Variants in RIN3 observed in about 807,000 individuals in gnomAD.
RIN3 encodes RAB5 interacting protein 3.
A neutral mutation model predicts 76.3 loss-of-function variants in RIN3; 54 were observed. That is an observed-to-expected ratio of 0.71 (90% CI 0.57 to 0.89). The LOEUF (loss-of-function observed/expected upper bound fraction) is 0.89. RIN3 is among the 40% of genes least tolerant of loss of function. The pLI is 0.00. For missense variants in RIN3, 1,256 were observed against 1,322.1 expected, an observed-to-expected ratio of 0.95 and a Z score of 0.78; for synonymous variants, 576 against 564.0, an observed-to-expected ratio of 1.02 and a Z score of -0.30.
intron 4 of RIN3, among the ~76,000 whole-genome samples, chr14:92,626,046 C>A (rs954190972): frequency 1.3e-5 from 2 of 152,178 alleles, no homozygotes; most frequent in Admixed American, 1.3e-4. Context: ...TTCCCTTAGT[C>A]TTTCTAGAAA....
chr14:92,533,597 C>T (rs1243647442), intron 1 of RIN3, among the ~76,000 whole-genome samples: 2 of 152,214 alleles, frequency 1.3e-5, no homozygotes, highest in Admixed American at 1.3e-4. Context: ...GACCATTATT[C>T]TAAGTGAAGT....
At chr14:92,615,611 C>T in intron 4 of RIN3, 132 bp downstream of exon 4, 2 of 757,296 alleles carry the variant, frequency 2.6e-6, no homozygotes, top group Non-Finnish European at 4.6e-6. Flanking sequence ...AGAGAGAGGG[C>T]ACAGGCCCCT....
At chr14:92,557,781 G>A (rs2140037298) in intron 2 of RIN3, among the ~76,000 whole-genome samples, 1 of 152,312 alleles carries the variant, frequency 6.6e-6, no homozygotes, top group African/African-American at 2.4e-5. Context: ...CACCCTCTGT[G>A]GTCCCCAGTT....
At chr14:92,571,892 C>T (rs961574444) in intron 2 of RIN3, among the ~76,000 whole-genome samples, 3 of 152,170 alleles carry the variant, frequency 2.0e-5, no homozygotes, top group Non-Finnish European at 2.9e-5. Flanking sequence ...TCCTCCTATT[C>T]GCAGGGGGAG....
chr14:92,658,803 C>T (rs1035816837), intron 6 of RIN3, among the ~76,000 whole-genome samples: 5 of 152,210 alleles, frequency 3.3e-5, no homozygotes, highest in Non-Finnish European at 2.9e-5. Flanking sequence ...CATCAGCATA[C>T]AGCTGCCCAG....
rs534165246 is a variant in RIN3, at chr14:92,652,057, G to A, written c.1008G>A (p.Pro336=). ...APGPPDHPNQ[P]PMMTCERLPC... ...GTCCCCCAGACCATCCGAACCAGCC[G>A]CCCATGATGACCTGCGAGAGACTCC... Residue 336 remains proline, a synonymous_variant, in exon 6 of 10, where the codon CCG becomes CCA. Transcript: ENST00000216487. This position sits in a 1 kb window ranked among gnomAD's most constrained non-coding sequence, Gnocchi z 6.4. 7.9e-6 allele frequency: 12 copies of A among 1,512,930 alleles called. No homozygotes were observed. Among genetic ancestry groups the A allele is most frequent in the South Asian group, 3.4e-5 (3 of 88,826 alleles). 93.7% of individuals were successfully genotyped at this position (1,512,930 alleles called of 1,614,324 possible).
intron 5 of RIN3, among the ~76,000 whole-genome samples, chr14:92,644,263 C>T (rs1038748995): frequency 7.2e-5 from 11 of 152,170 alleles, no homozygotes. Context: ...AAGTGAGATG[C>T]ATGGCCTCAG....
intron 3 of RIN3, among the ~76,000 whole-genome samples, chr14:92,609,378 G>A (rs1417462025): frequency 6.6e-6 from 1 of 152,168 alleles, no homozygotes; most frequent in Non-Finnish European, 1.5e-5. Flanking sequence ...TGTCACCTTG[G>A]AGTGCATTGG....
At position 92,651,934 on chromosome 14, in the gene RIN3, C is replaced by T; in HGVS notation, c.885C>T (p.Ala295=). The T allele has an allele frequency of 6.4e-7, 1 of 1,556,624 alleles. No homozygotes were observed. Among genetic ancestry groups the T allele is most frequent in the Non-Finnish European group, 8.7e-7 (1 of 1,149,244 alleles). The change falls in exon 6 of 10, where the codon GCC becomes GCT. Residue 295 remains alanine (A), a synonymous_variant. Transcript: ENST00000216487. ...PVLPLQPCSP[A]QPPVLPALAP... Reference sequence around the variant, plus strand: ...TGCCCCTGCAGCCCTGCAGCCCAGCCCAGCCCCCTGTGCTCCCTGCTCTTG... The same window carrying T: ...TGCCCCTGCAGCCCTGCAGCCCAGCTCAGCCCCCTGTGCTCCCTGCTCTTG...
chr14:92,532,979 G>A (rs1896919147), intron 1 of RIN3, among the ~76,000 whole-genome samples: 1 of 152,218 alleles, frequency 6.6e-6, no homozygotes, highest in Admixed American at 6.5e-5. Context: ...GAAGCTCCCA[G>A]GAGGAGGGGC....
rs546521716 is a variant in RIN3 at position 92,540,293 on chromosome 14, T to TG, written c.45-15455dup. 3.5e-4 allele frequency among the ~76,000 whole-genome samples: 53 copies of TG among 152,278 alleles called. No individual in the cohort carries two copies. The South Asian group carries it at 0.011, about 31-fold the overall frequency. Reference sequence around the variant, plus strand: ...GCCCATAGAGCCTGTCCCCTGTTCCTGGGACTGACCCACCGAGGGTCGGGG... The same window carrying TG: ...GCCCATAGAGCCTGTCCCCTGTTCCTGGGGACTGACCCACCGAGGGTCGGGG... On this transcript the variant is annotated intron_variant, in intron 1 of 9. Coordinates refer to ENST00000216487, the MANE Select transcript of RIN3 (RefSeq NM_024832.5).
intron 4 of RIN3, among the ~76,000 whole-genome samples, chr14:92,630,985 C>T (rs756643146): frequency 3.1e-4 from 47 of 152,214 alleles, no homozygotes; most frequent in Non-Finnish European, 6.0e-4. Flanking sequence ...TCCTGCCCTA[C>T]AGACTCCTCC....
At chr14:92,523,109 GTTTTA>G (rs1465853909) in intron 1 of RIN3, among the ~76,000 whole-genome samples, 3 of 152,102 alleles carry the variant, frequency 2.0e-5, no homozygotes, top group Non-Finnish European at 2.9e-5. Flanking sequence ...TTGTTTGTTT[GTTTTA>G]TTTTATTTTA....
intron 3 of RIN3, among the ~76,000 whole-genome samples, chr14:92,614,052 G>A (rs563321243): frequency 2.0e-4 from 31 of 152,348 alleles, no homozygotes; most frequent in African/African-American, 6.3e-4. Flanking sequence ...GCATGGTGCC[G>A]TGTTCTCCAC....
At chr14:92,581,599 C>T (rs1254824421) in intron 3 of RIN3, among the ~76,000 whole-genome samples, 3 of 152,138 alleles carry the variant, frequency 2.0e-5, no homozygotes, top group African/African-American at 4.8e-5. Flanking sequence ...GCGCCATACT[C>T]CTTCCCCACC....
intron 8 of RIN3, among the ~76,000 whole-genome samples, chr14:92,679,112 G>A (rs1338025669): frequency 6.6e-6 from 1 of 152,248 alleles, no homozygotes; most frequent in Non-Finnish European, 1.5e-5. Context: ...GCTACTTCAA[G>A]TATTTGGAGG....
intron 9 of RIN3, chr14:92,687,552 C>T (rs1265041826): frequency 7.2e-6 from 2 of 278,806 alleles, no homozygotes; most frequent in South Asian, 4.5e-5. Flanking sequence ...ATCTGTGCTG[C>T]CCTCCGTGCC....
intron 4 of RIN3, among the ~76,000 whole-genome samples, chr14:92,620,531 A>G (rs1036053508): frequency 6.6e-6 from 1 of 152,228 alleles, no homozygotes; most frequent in Non-Finnish European, 1.5e-5. Flanking sequence ...GGAATGAATG[A>G]TGATTTGCTA....
At chr14:92,516,239 C>T (rs1896438483) in intron 1 of RIN3, among the ~76,000 whole-genome samples, 1 of 152,202 alleles carries the variant, frequency 6.6e-6, no homozygotes, top group South Asian at 2.1e-4. Context: ...CAATGAGGAA[C>T]CAGAAACCCA....
Sources: gnomAD v4.1 joint callset for allele counts (sites outside exome capture counted in the v4.1 genomes callset) on GRCh38, gnomAD v4.1.1 for gene constraint, Gnocchi (gnomAD v3.1) non-coding constraint, MANE v1.5 for transcripts, NCBI Gene and HGNC (gene_info 2026-07-23, HGNC 2026-07-21) for gene names.